SCYL2: variants seen among roughly 807,000 people sequenced by gnomAD.
The protein encoded by SCYL2 is SCY1 like pseudokinase 2, also known as SCY1-like protein 2.
Under a neutral mutation model 100.4 loss-of-function variants are expected in SCYL2, and 36 were observed. That is an observed-to-expected ratio of 0.36 (90% CI 0.27 to 0.47). SCYL2 has a LOEUF of 0.47. SCYL2 is among the 20% of genes least tolerant of loss of function. The pLI is 1.00. For synonymous variants in SCYL2, 330 were observed against 359.2 expected (o/e 0.92, Z 0.92); for missense variants, 902 against 1,083.9 (o/e 0.83, Z 2.36).
At chr12:100,280,033 G>T (rs973847831) in intron 1 of SCYL2, among the ~76,000 whole-genome samples, 2 of 152,150 alleles carry the variant, frequency 1.3e-5, no homozygotes, top group Non-Finnish European at 2.9e-5. Flanking sequence ...TTGGAATTCT[G>T]CTCTATGCTC....
intron 12 of SCYL2, among the ~76,000 whole-genome samples, chr12:100,327,459 A>G (rs1480939686): frequency 6.6e-6 from 1 of 152,160 alleles, no homozygotes; most frequent in Non-Finnish European, 1.5e-5. Context: ...AGGCATAGCT[A>G]TAGAGTCACA....
chr12:100,336,232 TG>T (rs940078181), intron 16 of SCYL2, among the ~76,000 whole-genome samples: 4 of 152,248 alleles, frequency 2.6e-5, no homozygotes, highest in Non-Finnish European at 5.9e-5. Flanking sequence ...CCTGTGTTGA[TG>T]GATTCTACTA....
At chr12:100,313,737 T>TA (rs2096345061) in intron 7 of SCYL2, among the ~76,000 whole-genome samples, 199 bp downstream of exon 7, 1 of 152,238 alleles carries the variant, frequency 6.6e-6, no homozygotes, top group African/African-American at 2.4e-5. Context: ...TGCTTAATCT[T>TA]ACACAGCTAA....
chr12:100,323,479 A>G, intron 10 of SCYL2, 46 bp from the exon 11 acceptor site: 1 of 1,129,150 alleles, frequency 8.9e-7, no homozygotes, highest in Non-Finnish European at 1.3e-6. Flanking sequence ...TCAGAGAGAA[A>G]AGATGAGTCT....
intron 13 of SCYL2, among the ~76,000 whole-genome samples, chr12:100,329,687 C>CA (rs377189520): frequency 2.6e-4 from 40 of 152,302 alleles, no homozygotes; most frequent in African/African-American, 8.4e-4. Context: ...TTTATTATCT[C>CA]ACAGCTTCTG....
chr12:100,334,965 T>C (rs1952256996), intron 14 of SCYL2, among the ~76,000 whole-genome samples: 1 of 152,032 alleles, frequency 6.6e-6, no homozygotes, highest in African/African-American at 2.4e-5. Flanking sequence ...AGAAACTCTT[T>C]AGCTTCTGCC....
At chr12:100,331,951 G>A (rs987519780) in intron 13 of SCYL2, among the ~76,000 whole-genome samples, 4 of 152,140 alleles carry the variant, frequency 2.6e-5, no homozygotes. Flanking sequence ...TTTGAGGGGG[G>A]TTTCTAAGAC....
intron 1 of SCYL2, among the ~76,000 whole-genome samples, chr12:100,271,867 A>T (rs1302259180): frequency 6.6e-6 from 1 of 152,218 alleles, no homozygotes; most frequent in Non-Finnish European, 1.5e-5. Flanking sequence ...AAATTCAGGA[A>T]GTCTTTGTTA....
chr12:100,294,461 G>C (rs1169594013), intron 3 of SCYL2, among the ~76,000 whole-genome samples: 1 of 115,936 alleles, frequency 8.6e-6, no homozygotes, highest in East Asian at 2.7e-4. Flanking sequence ...GGGCGGCCGG[G>C]CAGAGGCGCC....
chr12:100,339,364 A>T lies in SCYL2; in HGVS notation c.*192A>T. 1.7e-6 allele frequency: 1 copy of T among 573,184 alleles called. No homozygotes were observed. Among genetic ancestry groups the T allele is most frequent in the Non-Finnish European group, 2.9e-6 (1 of 343,370 alleles). 35.5% of individuals were successfully genotyped at this position (573,184 alleles called of 1,614,324 possible). A position where few individuals can be genotyped will look rare whatever the true frequency, so the allele number is the denominator to read the frequency against. The stretch of plus-strand genomic sequence containing the variant: ...ACCAGTTGAGTTTTTTAAAGCATTG[A>T]GGATTTTTTCCTCTTACCAACTCCT... On this transcript the variant is annotated 3_prime_UTR_variant, in exon 18 of 18. Transcript: ENST00000360820.
intron 3 of SCYL2, 72 bp downstream of exon 3, chr12:100,291,732 C>T (rs916308640): frequency 2.1e-6 from 3 of 1,397,816 alleles, no homozygotes; most frequent in Non-Finnish European, 2.9e-6. Flanking sequence ...TATTTGAAAT[C>T]TGTTTCAAGT....
At chr12:100,325,457 A>G (rs1179112141) in intron 11 of SCYL2, among the ~76,000 whole-genome samples, 1 of 152,190 alleles carries the variant, frequency 6.6e-6, no homozygotes. Flanking sequence ...TCACCTTTTA[A>G]GTGGATTTTA....
At chr12:100,300,118 C>T (rs945085942) in intron 4 of SCYL2, among the ~76,000 whole-genome samples, 1 of 152,124 alleles carries the variant, frequency 6.6e-6, no homozygotes, top group African/African-American at 2.4e-5. Flanking sequence ...ATAATGATAG[C>T]GAGCATCTTT....
At chr12:100,296,303 CA>C (rs2096320420) in intron 3 of SCYL2, among the ~76,000 whole-genome samples, 1 of 152,020 alleles carries the variant, frequency 6.6e-6, no homozygotes, top group African/African-American at 2.4e-5. Context: ...TGGAATTACC[CA>C]AAGGAAATGC....
At chr12:100,308,748 C>T (rs2096337990) in intron 4 of SCYL2, among the ~76,000 whole-genome samples, 1 of 152,098 alleles carries the variant, frequency 6.6e-6, no homozygotes, top group Non-Finnish European at 1.5e-5. Context: ...GTGCAGAGGC[C>T]TGCCAAGAAA....
intron 10 of SCYL2, among the ~76,000 whole-genome samples, chr12:100,322,094 C>T (rs368080181): frequency 1.3e-5 from 2 of 150,218 alleles, no homozygotes; most frequent in South Asian, 2.1e-4. Context: ...AAAAAAGGGC[C>T]GGGCGCGGTG....
In SCYL2 at chr12:100,339,349, T is replaced by C; in HGVS notation, c.*177T>C. The C allele has an allele frequency of 1.6e-6, 1 of 624,734 alleles. No individual in the cohort carries two copies. The highest frequency in any genetic ancestry group is 2.6e-5 in the South Asian group (1 of 37,984). The allele number at this position is 624,734 out of a possible 1,614,324, so 38.7% of individuals were successfully genotyped here. A position where few individuals can be genotyped will look rare whatever the true frequency, so the allele number is the denominator to read the frequency against. ...TTGTATGGACTTCTAACCAGTTGAG[T>C]TTTTTAAAGCATTGAGGATTTTTTC... is the stretch of plus-strand genomic sequence containing the variant. On this transcript the variant is annotated 3_prime_UTR_variant, in exon 18 of 18. Transcript: ENST00000360820.
At chr12:100,319,243 A>AG (rs1197093316) in intron 10 of SCYL2, 2 of 455,846 alleles carry the variant, frequency 4.4e-6, no homozygotes, top group Admixed American at 4.7e-5. Flanking sequence ...CTTAAAGGTG[A>AG]GGGTATGCTG....
intron 4 of SCYL2, among the ~76,000 whole-genome samples, chr12:100,307,605 C>A (rs570724978): frequency 2.0e-5 from 3 of 152,254 alleles, no homozygotes; most frequent in African/African-American, 7.2e-5. Flanking sequence ...ATGACTAAAG[C>A]ACCAAAAGCA....
Sources: gnomAD v4.1 joint callset for allele counts (sites outside exome capture counted in the v4.1 genomes callset) on GRCh38, gnomAD v4.1.1 for gene constraint, MANE v1.5 for transcripts, NCBI Gene and HGNC (gene_info 2026-07-23, HGNC 2026-07-21) for gene names.